The following ADAMTS17 variants were observed in gnomAD, a reference collection of about 807,000 sequenced individuals.
ADAMTS17 encodes the protein A disintegrin and metalloproteinase with thrombospondin motifs 17.
Under a neutral mutation model 141.5 loss-of-function variants are expected in ADAMTS17, and 113 were observed. The ratio of observed to expected loss-of-function variants is 0.80; its 90% CI spans 0.69 to 0.93. The LOEUF is 0.93. ADAMTS17 is among the 40% of genes least tolerant of loss of function. The pLI is 0.00. For synonymous variants in ADAMTS17, 768 were observed against 630.6 expected, an observed-to-expected ratio of 1.22 and a Z score of -3.27; for missense variants, 1,659 against 1,517.9, an observed-to-expected ratio of 1.09 and a Z score of -1.54.
intron 7 of ADAMTS17, among the ~76,000 whole-genome samples, chr15:100,206,978 G>C (rs940883597): frequency 4.6e-5 from 7 of 152,202 alleles, no homozygotes; most frequent in African/African-American, 1.7e-4. Context: ...CAGAGTAGGG[G>C]CTGGTAAGAG....
chr15:99,999,790 G>A (rs980644783), intron 18 of ADAMTS17, among the ~76,000 whole-genome samples: 5 of 152,140 alleles, frequency 3.3e-5, no homozygotes, highest in Non-Finnish European at 7.4e-5. Flanking sequence ...CGACGGCACT[G>A]GTCTGAACCA....
intron 15 of ADAMTS17, among the ~76,000 whole-genome samples, chr15:100,068,350 A>G (rs747061266): frequency 5.3e-5 from 8 of 152,216 alleles, no homozygotes; most frequent in Non-Finnish European, 8.8e-5. Context: ...AACAAAAGGC[A>G]GCAGTAACCT....
intron 15 of ADAMTS17, among the ~76,000 whole-genome samples, chr15:100,065,608 CATG>C (rs922979409): frequency 5.9e-5 from 9 of 152,154 alleles, no homozygotes; most frequent in African/African-American, 2.2e-4. Context: ...TCGTGTAATT[CATG>C]ATGTCATAGG....
At chr15:100,330,033 C>T (rs1317920010) in intron 3 of ADAMTS17, among the ~76,000 whole-genome samples, 1 of 152,162 alleles carries the variant, frequency 6.6e-6, no homozygotes, top group East Asian at 1.9e-4. Context: ...CAGTGGGGTC[C>T]CACGATCTCC....
chr15:100,264,106 T>G (rs989941585), intron 4 of ADAMTS17, among the ~76,000 whole-genome samples: 2 of 152,198 alleles, frequency 1.3e-5, no homozygotes, highest in Non-Finnish European at 2.9e-5. Context: ...CAAGGAAAAA[T>G]AGAACACATT....
chr15:100,128,880 C>T (rs1343826472), intron 12 of ADAMTS17: 1 of 152,194 alleles, frequency 6.6e-6, no homozygotes, highest in Non-Finnish European at 1.5e-5. Flanking sequence ...TGACAGGGTT[C>T]CTGCCAAGAC....
intron 7 of ADAMTS17, among the ~76,000 whole-genome samples, chr15:100,219,586 G>T (rs2042070023): frequency 2.0e-5 from 3 of 152,120 alleles, no homozygotes; most frequent in Admixed American, 2.0e-4. Flanking sequence ...TTTGATCCCA[G>T]TTCGAGGCAA....
At chr15:99,989,543 G>C (rs1052113204) in intron 20 of ADAMTS17, among the ~76,000 whole-genome samples, 4 of 152,198 alleles carry the variant, frequency 2.6e-5, no homozygotes, top group Non-Finnish European at 4.4e-5. Context: ...TGGACTCTCC[G>C]TAACCATGCA....
intron 4 of ADAMTS17, among the ~76,000 whole-genome samples, chr15:100,274,867 A>G (rs2044027610): frequency 6.6e-6 from 1 of 151,436 alleles, no homozygotes; most frequent in South Asian, 2.1e-4. Flanking sequence ...TTTTGTATGT[A>G]TTCTCTAGTT....
intron 8 of ADAMTS17, among the ~76,000 whole-genome samples, chr15:100,163,440 T>C (rs1214809483): frequency 6.6e-6 from 1 of 152,120 alleles, no homozygotes; most frequent in African/African-American, 2.4e-5. Context: ...TTTTTTTTTA[T>C]ACAACATGGG....
chr15:100,300,695 C>CT (rs969254208), intron 3 of ADAMTS17, among the ~76,000 whole-genome samples: 7 of 152,310 alleles, frequency 4.6e-5, no homozygotes, highest in African/African-American at 1.7e-4. Flanking sequence ...CTGTGGCTTC[C>CT]TCTAAAATCC....
intron 3 of ADAMTS17, among the ~76,000 whole-genome samples, chr15:100,288,071 G>C (rs1033273766): frequency 2.0e-5 from 3 of 152,124 alleles, no homozygotes; most frequent in African/African-American, 7.2e-5. Flanking sequence ...GTGACAAGTT[G>C]GATAAAGAAG....
At chr15:100,327,210 G>A (rs1204016133) in intron 3 of ADAMTS17, among the ~76,000 whole-genome samples, 1 of 152,136 alleles carries the variant, frequency 6.6e-6, no homozygotes, top group Admixed American at 6.5e-5. Flanking sequence ...GGATATACAC[G>A]TATTATACGT....
chr15:100,202,798 T>C (rs576941860), intron 7 of ADAMTS17, among the ~76,000 whole-genome samples: 5 of 152,310 alleles, frequency 3.3e-5, no homozygotes, highest in African/African-American at 1.2e-4. Flanking sequence ...TTTCTCTGTA[T>C]TGATTTATTA....
chr15:100,085,312 G>C (rs528899797), intron 15 of ADAMTS17, among the ~76,000 whole-genome samples: 6 of 149,480 alleles, frequency 4.0e-5, no homozygotes, highest in Non-Finnish European at 7.4e-5. Flanking sequence ...ACAAAGAAAC[G>C]AACAAAGCCT....
At chr15:100,154,849 G>A (rs1024883637) in intron 9 of ADAMTS17, among the ~76,000 whole-genome samples, 63 of 152,168 alleles carry the variant, frequency 4.1e-4, no homozygotes, top group African/African-American at 1.3e-3. Flanking sequence ...ATTCCGCAGC[G>A]GCCCAGGGGC....
intron 7 of ADAMTS17, among the ~76,000 whole-genome samples, chr15:100,202,541 G>C (rs2041375290): frequency 6.6e-6 from 1 of 152,196 alleles, no homozygotes. Context: ...AAAGTCTGGA[G>C]AAAATCCCAG....
At chr15:100,067,054 T>C (rs34427234) in intron 15 of ADAMTS17, among the ~76,000 whole-genome samples, 87,423 of 133,606 alleles carry the variant, frequency 0.65, 32,301 homozygotes, top group Non-Finnish European at 0.82. Context: ...GTCTCAGCAG[T>C]ATTCCTTCAA....
rs143324749 is a variant in ADAMTS17 at position 100,265,741 on chromosome 15, G to A, written c.790-3306C>T. ...GACCTGTGGGTGACACTCTCAGGTT[G>A]CATACACTGCTATTAAGACCCCCAA... On this transcript the variant is annotated intron_variant, in intron 4 of 21. Coordinates refer to ENST00000268070, the MANE Select transcript of ADAMTS17 (RefSeq NM_139057.4). Among the ~76,000 whole-genome samples the A allele has an allele frequency of 8.5e-5, 13 of 152,322 alleles. No individual in the cohort carries two copies. In the East Asian group the frequency reaches 1.4e-3, roughly 16 times the overall value.
Sources: gnomAD v4.1 joint callset for allele counts (sites outside exome capture counted in the v4.1 genomes callset) on GRCh38, gnomAD v4.1.1 for gene constraint, MANE v1.5 for transcripts, NCBI Gene and HGNC (gene_info 2026-07-23, HGNC 2026-07-21) for gene names.